The following XKR9 variants were observed in gnomAD, a reference collection of about 807,000 sequenced individuals.
XKR9 encodes XK related 9, also known as XK-related protein 9.
Under a neutral mutation model 32.0 loss-of-function variants are expected in XKR9, and 32 were observed. The observed-to-expected ratio is 1.00, with a 90% CI of 0.76 to 1.34. The LOEUF (loss-of-function observed/expected upper bound fraction) is 1.34. Ranked by LOEUF, XKR9 falls within the 40% of genes most tolerant of loss-of-function variation. XKR9 has a pLI of 0.00. For missense variants in XKR9, 546 were observed against 429.7 expected (o/e 1.27, Z -2.39); for synonymous variants, 168 against 143.4 (o/e 1.17, Z -1.22).
chr8:70,994,942 G>A, the XKR9 span, among the ~76,000 whole-genome samples: 2 of 152,100 alleles, frequency 1.3e-5, no homozygotes, highest in Non-Finnish European at 1.5e-5. Context: ...CTATATGGGG[G>A]AACTAATGTA....
At chr8:70,827,859 G>A in the XKR9 span, among the ~76,000 whole-genome samples, 1 of 151,948 alleles carries the variant, frequency 6.6e-6, no homozygotes, top group African/African-American at 2.4e-5. Flanking sequence ...CTTGATTTAT[G>A]GTTTATATGG....
the XKR9 span, among the ~76,000 whole-genome samples, chr8:70,805,859 T>C: frequency 1.3e-5 from 2 of 152,186 alleles, no homozygotes; most frequent in African/African-American, 4.8e-5. Flanking sequence ...CCCAGATGAA[T>C]GTGCTTCCCC....
chr8:70,881,246 A>G, the XKR9 span, among the ~76,000 whole-genome samples: 1 of 152,214 alleles, frequency 6.6e-6, no homozygotes, highest in Admixed American at 6.5e-5. Flanking sequence ...AAGTAATGTC[A>G]ACAAAAGCCA....
the XKR9 span, among the ~76,000 whole-genome samples, chr8:70,850,479 A>AAAAAG: frequency 7.1e-6 from 1 of 140,782 alleles, no homozygotes. Context: ...AAAAAAAAAA[A>AAAAAG]AAAAAGAAAG....
the XKR9 span, among the ~76,000 whole-genome samples, chr8:71,005,370 C>A: frequency 6.6e-6 from 1 of 151,488 alleles, no homozygotes; most frequent in Non-Finnish European, 1.5e-5. Flanking sequence ...TTGCAGGTGC[C>A]CACCACCACA....
At chr8:70,877,965 G>C in the XKR9 span, among the ~76,000 whole-genome samples, 1 of 152,200 alleles carries the variant, frequency 6.6e-6, no homozygotes, top group Non-Finnish European at 1.5e-5. Context: ...GGATCTCTCA[G>C]AAGAAACCCT....
At chr8:70,891,931 A>T in the XKR9 span, among the ~76,000 whole-genome samples, 7 of 151,928 alleles carry the variant, frequency 4.6e-5, no homozygotes, top group Non-Finnish European at 8.8e-5. Context: ...TATATACCTG[A>T]GTGCTGTGGT....
chr8:70,924,721 TA>T, the XKR9 span, among the ~76,000 whole-genome samples: 2 of 152,172 alleles, frequency 1.3e-5, no homozygotes, highest in Non-Finnish European at 2.9e-5. Context: ...GGGAACTCAT[TA>T]AACTCACAAA....
At chr8:71,041,536 G>C in the XKR9 span, among the ~76,000 whole-genome samples, 13 of 152,124 alleles carry the variant, frequency 8.5e-5, no homozygotes, top group Middle Eastern at 3.2e-3. Flanking sequence ...AACTCATGCT[G>C]ATTAGACTCT....
At position 70,709,962 on chromosome 8, in the gene XKR9, C is replaced by G. The variant is rs551982101; in HGVS notation, c.493+2809C>G. Among the ~76,000 whole-genome samples the G allele has an allele frequency of 1.6e-3, 246 of 152,048 alleles. 2 individuals carry two copies. The highest frequency in any genetic ancestry group is 0.014 in the South Asian group (67 of 4,818). On this transcript the variant is annotated intron_variant, in intron 4 of 4. Coordinates refer to ENST00000408926, the MANE Select transcript of XKR9 (RefSeq NM_001011720.2). Reference sequence around the variant, plus strand: ...AAAGATTCTCAAATTCATATGAAACCAAAAGACCCCAAATAGCCAAAGCAA... The same window carrying G: ...AAAGATTCTCAAATTCATATGAAACGAAAAGACCCCAAATAGCCAAAGCAA...
chr8:70,765,939 G>A (rs1034564703), intron 2 of XKR9, among the ~76,000 whole-genome samples: 3 of 152,072 alleles, frequency 2.0e-5, no homozygotes, highest in African/African-American at 7.2e-5. Context: ...TTATTTCTGA[G>A]GCCTCTGTTC....
At chr8:70,828,008 G>T in the XKR9 span, among the ~76,000 whole-genome samples, 10,756 of 152,088 alleles carry the variant, frequency 0.071, 456 homozygotes, top group Non-Finnish European at 0.089. Context: ...GCTTTTATAT[G>T]CTTTTTGCAC....
chr8:71,000,013 A>G, the XKR9 span, among the ~76,000 whole-genome samples: 2 of 152,332 alleles, frequency 1.3e-5, no homozygotes, highest in East Asian at 3.9e-4. Flanking sequence ...CTCCTCCAAG[A>G]AAAAAAGTGA....
At chr8:70,967,859 C>A in the XKR9 span, among the ~76,000 whole-genome samples, 10 of 151,946 alleles carry the variant, frequency 6.6e-5, no homozygotes, top group Non-Finnish European at 1.3e-4. Flanking sequence ...TCTCTGGCTG[C>A]CCTTAACATT....
chr8:70,687,867 A>T (rs1819361047), intron 3 of XKR9, among the ~76,000 whole-genome samples: 1 of 151,064 alleles, frequency 6.6e-6, no homozygotes, highest in Non-Finnish European at 1.5e-5. Flanking sequence ...ATTGTCTAAC[A>T]TATGGTCCAT....
intron 4 of XKR9, among the ~76,000 whole-genome samples, chr8:70,730,165 T>G (rs1013681815): frequency 6.6e-6 from 1 of 152,164 alleles, no homozygotes; most frequent in Non-Finnish European, 1.5e-5. Flanking sequence ...TCCCCCTTTT[T>G]CCCTGCCATT....
chr8:70,858,486 CT>C, the XKR9 span, among the ~76,000 whole-genome samples: 5 of 151,300 alleles, frequency 3.3e-5, no homozygotes, highest in African/African-American at 1.2e-4. Context: ...AAATGACATT[CT>C]TCACAGAAAT....
At chr8:70,792,471 G>C (rs867441103), downstream of XKR9, among the ~76,000 whole-genome samples, 1 of 152,164 alleles carries the variant, frequency 6.6e-6, no homozygotes, top group Middle Eastern at 3.4e-3. Flanking sequence ...TTTGCTTCAG[G>C]GTGTCATGTA....
chr8:70,973,086 T>C, the XKR9 span, among the ~76,000 whole-genome samples: 1 of 152,202 alleles, frequency 6.6e-6, no homozygotes, highest in Non-Finnish European at 1.5e-5. Context: ...TGAATCTGTC[T>C]GGTCCTGGAC....
Sources: gnomAD v4.1 joint callset for allele counts (sites outside exome capture counted in the v4.1 genomes callset) on GRCh38, gnomAD v4.1.1 for gene constraint, MANE v1.5 for transcripts, NCBI Gene and HGNC (gene_info 2026-07-23, HGNC 2026-07-21) for gene names.